The following NIPBL variants were observed in gnomAD, a reference collection of about 807,000 sequenced individuals.
NIPBL encodes the protein nipped-B-like protein.
In NIPBL, 19 loss-of-function variants were observed where a neutral mutation model predicts 321.8. That is an observed-to-expected ratio of 0.06 (90% CI 0.04 to 0.09). NIPBL has a LOEUF of 0.09. Among genes scored for constraint, NIPBL ranks in the 10% least tolerant of loss-of-function variants. The pLI is 1.00. For missense variants in NIPBL, 2,210 were observed against 3,327.0 expected (o/e 0.66, Z 8.26); for synonymous variants, 1,106 against 1,114.1 (o/e 0.99, Z 0.14).
At chr5:36,946,574 CTG>C (rs199772420) in intron 1 of NIPBL, among the ~76,000 whole-genome samples, 2 of 75,654 alleles carry the variant, frequency 2.6e-5, no homozygotes, top group Admixed American at 1.5e-4. Flanking sequence ...ATGCATGTGT[CTG>C]TGTGTGTGTA....
At chr5:36,942,432 TAAA>T (rs33935189) in intron 1 of NIPBL, among the ~76,000 whole-genome samples, 8 of 59,776 alleles carry the variant, frequency 1.3e-4, no homozygotes, top group Middle Eastern at 0.021. Flanking sequence ...ACTCTGTCTT[TAAA>T]AAAAAAAAAA....
intron 1 of NIPBL, among the ~76,000 whole-genome samples, chr5:36,896,215 C>T (rs1180352780): frequency 6.6e-6 from 1 of 152,196 alleles, no homozygotes; most frequent in Non-Finnish European, 1.5e-5. Flanking sequence ...GTCTTGGCAT[C>T]CCTGTCAAAA....
chr5:36,940,113 A>T (rs1259300308), intron 1 of NIPBL, among the ~76,000 whole-genome samples: 1 of 152,084 alleles, frequency 6.6e-6, no homozygotes, highest in Non-Finnish European at 1.5e-5. Flanking sequence ...TTGTTTTCAT[A>T]CTCTGTTTGT....
rs1419019439 is a variant in NIPBL, at chr5:36,984,937, T to A, written c.1757T>A (p.Val586Asp). ...GTTTCTGTTCTTCAGGAAGATATTG[T>A]TGGAAGTCTTAAATCTACACCAGAA... ...APVSVLQEDIVGSLKSTPENH... is the reference protein window; with the variant it reads ...APVSVLQEDIDGSLKSTPENH... The change falls in exon 10 of 47, where the codon GTT (valine) becomes GAT (aspartate). Residue 586 changes from valine to aspartate, a missense_variant. Transcript: ENST00000282516. The A allele has an allele frequency of 1.2e-5, 19 of 1,613,300 alleles. No individual in the cohort carries two copies. The highest frequency in any genetic ancestry group is 1.6e-5 in the Non-Finnish European group (19 of 1,179,802).
intron 11 of NIPBL, among the ~76,000 whole-genome samples, chr5:36,999,988 G>A (rs1561136963): frequency 2.0e-5 from 3 of 152,144 alleles, no homozygotes; most frequent in African/African-American, 7.2e-5. Context: ...GTGCTTTAAG[G>A]TGGTTCTGTT....
intron 33 of NIPBL, among the ~76,000 whole-genome samples, chr5:37,037,401 A>G (rs963330266): frequency 6.8e-5 from 10 of 146,832 alleles, no homozygotes; most frequent in Non-Finnish European, 1.3e-4. Context: ...AAATATATAT[A>G]TATATATGTA....
At chr5:36,897,435 T>C (rs1168299004) in intron 1 of NIPBL, among the ~76,000 whole-genome samples, 1 of 152,132 alleles carries the variant, frequency 6.6e-6, no homozygotes, top group African/African-American at 2.4e-5. Flanking sequence ...ATGCTCTTCT[T>C]TCTAGGGACA....
intron 31 of NIPBL, among the ~76,000 whole-genome samples, chr5:37,026,752 C>T (rs1426006734): frequency 6.6e-6 from 1 of 151,500 alleles, no homozygotes; most frequent in Non-Finnish European, 1.5e-5. Flanking sequence ...AAATTTTTGC[C>T]AGTCACAGCG....
At position 36,953,679 on chromosome 5, in the gene NIPBL, C is replaced by G. The variant is rs752738480; in HGVS notation, c.-18C>G. 1 of 1,611,940 alleles carries G rather than the reference C, an allele frequency of 6.2e-7. No homozygotes were observed. ...GAACTAAGTACTTTTATAGGCAACA[C>G]CATTCCAGAAATTCAGGATGAATGG... On this transcript the variant is annotated 5_prime_UTR_variant, in exon 2 of 47. Transcript: ENST00000282516.
chr5:36,946,482 T>C (rs978350655), intron 1 of NIPBL, among the ~76,000 whole-genome samples: 1 of 152,090 alleles, frequency 6.6e-6, no homozygotes, highest in Non-Finnish European at 1.5e-5. Flanking sequence ...TTATACCTTC[T>C]AGTTAACCAT....
chr5:36,974,605 C>T (rs1487544050), intron 8 of NIPBL, among the ~76,000 whole-genome samples: 1 of 152,052 alleles, frequency 6.6e-6, no homozygotes, highest in Non-Finnish European at 1.5e-5. Context: ...ATATGTAAAG[C>T]ACCTTTCACA....
Position 37,049,124 on chromosome 5 carries a change from A to C in NIPBL, c.6777A>C (p.Ala2259=). The change falls in exon 40 of 47, where the codon GCA becomes GCC. Residue 2259 remains alanine (A), a synonymous_variant. Coordinates refer to ENST00000282516, the MANE Select transcript of NIPBL (RefSeq NM_133433.4). ...TTGCTTTTGTAGGGAAGAAAGTTGCAAAACAGGAAGACTTAAAAGAAATGG... is the reference window on the plus strand; with the variant it reads ...TTGCTTTTGTAGGGAAGAAAGTTGCCAAACAGGAAGACTTAAAAGAAATGG... ...QQADRDWKKV[A]KQEDLKEMGD... 4.3e-6 allele frequency: 7 copies of C among 1,614,126 alleles called. No individual in the cohort carries two copies. The highest frequency in any genetic ancestry group is 5.1e-6 in the Non-Finnish European group (6 of 1,179,986).
intron 1 of NIPBL, among the ~76,000 whole-genome samples, chr5:36,936,445 GAGCAATAGGCTATACCAGT>G (rs1738439988): frequency 6.6e-6 from 1 of 152,116 alleles, no homozygotes; most frequent in African/African-American, 2.4e-5. Context: ...TGTAGCCTAG[GAGCAATAGGCTATACCAGT>G]AGCAATAGGT....
At chr5:36,892,601 T>C (rs912236032) in intron 1 of NIPBL, among the ~76,000 whole-genome samples, 136 of 152,260 alleles carry the variant, frequency 8.9e-4, no homozygotes, top group African/African-American at 3.1e-3. Flanking sequence ...TGGAATACTA[T>C]GCAGCCATAA....
chr5:36,905,128 A>AT (rs1209730389), intron 1 of NIPBL, among the ~76,000 whole-genome samples: 1 of 152,202 alleles, frequency 6.6e-6, no homozygotes, highest in Non-Finnish European at 1.5e-5. Flanking sequence ...CTTTTAATGC[A>AT]TAGAGGGTAA....
chr5:36,904,209 G>A (rs944796391), intron 1 of NIPBL, among the ~76,000 whole-genome samples: 2 of 152,220 alleles, frequency 1.3e-5, no homozygotes, highest in African/African-American at 4.8e-5. Flanking sequence ...GGTGGCTCGC[G>A]CCTCTAATCC....
chr5:36,920,674 T>C (rs939942840), intron 1 of NIPBL, among the ~76,000 whole-genome samples: 5 of 152,190 alleles, frequency 3.3e-5, no homozygotes, highest in Non-Finnish European at 7.4e-5. Context: ...TTTATAAATG[T>C]CTTTCAGCAA....
At chr5:36,942,608 G>C (rs1315356774) in intron 1 of NIPBL, among the ~76,000 whole-genome samples, 1 of 151,180 alleles carries the variant, frequency 6.6e-6, no homozygotes, top group African/African-American at 2.4e-5. Flanking sequence ...GGGGGTGGTG[G>C]TGCACACCTG....
intron 10 of NIPBL, among the ~76,000 whole-genome samples, chr5:36,991,747 T>TG (rs1307174809): frequency 6.8e-6 from 1 of 146,954 alleles, no homozygotes; most frequent in African/African-American, 2.5e-5. Context: ...CTGCCCAAGT[T>TG]TTTTTTTTTT....
Sources: allele counts gnomAD v4.1 joint callset (sites outside exome capture counted in the v4.1 genomes callset), GRCh38; gene constraint gnomAD v4.1.1; transcripts MANE v1.5; gene names NCBI Gene and HGNC (gene_info 2026-07-23, HGNC 2026-07-21).